The following MOBP variants were observed in gnomAD, a reference collection of about 807,000 sequenced individuals.
MOBP encodes myelin associated oligodendrocyte basic protein.
In MOBP, 5 loss-of-function variants were observed where a neutral mutation model predicts 15.0. That is an observed-to-expected ratio of 0.33 (90% CI 0.17 to 0.70). The LOEUF is 0.70. Ranked by LOEUF, MOBP falls within the 30% of genes least tolerant of loss-of-function variation. MOBP has a pLI of 0.67. For missense variants in MOBP, 188 were observed against 257.8 expected, an observed-to-expected ratio of 0.73 and a Z score of 1.85; for synonymous variants, 88 against 99.0, an observed-to-expected ratio of 0.89 and a Z score of 0.66.
intron 2 of MOBP, among the ~76,000 whole-genome samples, chr3:39,485,788 C>T (rs1169510748): frequency 6.6e-6 from 1 of 152,178 alleles, no homozygotes; most frequent in Non-Finnish European, 1.5e-5. Context: ...GTCATTTCCC[C>T]TGTTTTTGAG....
exon 5 of MOBP, chr3:39,514,378 C>T (rs559576630): frequency 6.6e-6 from 1 of 152,430 alleles, no homozygotes; most frequent in South Asian, 2.1e-4. Context: ...GCTGCTTCCC[C>T]CCGACCCTAC....
chr3:39,515,861 C>T (rs968767934), exon 5 of MOBP: 4 of 152,082 alleles, frequency 2.6e-5, no homozygotes, highest in African/African-American at 9.7e-5. Context: ...CTATTCTATT[C>T]ATTTATTTAC....
At chr3:39,479,050 G>A (rs1363002013) in intron 1 of MOBP, among the ~76,000 whole-genome samples, 1 of 152,006 alleles carries the variant, frequency 6.6e-6, no homozygotes, top group Admixed American at 6.5e-5. Context: ...AGCTGGTCTC[G>A]AACTCCTGAC....
Position 39,522,034 on chromosome 3 carries a change from A to G in MOBP, c.*259-2209A>G, listed in dbSNP as rs139998080. ...GCTAGCTCTCACATTCTCACCAGAA[A>G]TAGGAGTTGACCACAGCAGCTATTG... On this transcript the variant is annotated intron_variant and NMD_transcript_variant, in intron 3 of 4. Coordinates refer to the MOBP transcript ENST00000424090. Among the ~76,000 whole-genome samples the G allele has an allele frequency of 4.6e-5, 7 of 152,322 alleles. No individual in the cohort carries two copies. In the East Asian group the frequency reaches 1.3e-3, roughly 29 times the overall value.
intron 2 of MOBP, chr3:39,500,139 G>T (rs2042949087): frequency 4.4e-6 from 2 of 450,644 alleles, no homozygotes; most frequent in Non-Finnish European, 8.9e-6. Flanking sequence ...TACTTATTTG[G>T]TCTCAGTAAA....
At chr3:39,478,309 A>G (rs751552295) in intron 1 of MOBP, among the ~76,000 whole-genome samples, 3 of 152,232 alleles carry the variant, frequency 2.0e-5, no homozygotes, top group Admixed American at 1.3e-4. Context: ...ACAGTTGCCT[A>G]CAGTATTCAG....
intron 2 of MOBP, among the ~76,000 whole-genome samples, chr3:39,493,077 TGAG>T (rs1447769572): frequency 6.6e-6 from 1 of 152,180 alleles, no homozygotes; most frequent in Non-Finnish European, 1.5e-5. Flanking sequence ...TGCCCAGAAT[TGAG>T]GGCCACCTGT....
chr3:39,519,290 G>A (rs549051286), downstream of MOBP, among the ~76,000 whole-genome samples: 48 of 152,212 alleles, frequency 3.2e-4, no homozygotes, highest in African/African-American at 1.1e-3. Flanking sequence ...GGGCTTATGA[G>A]CTTTCTGAGT....
chr3:39,494,960 C>T (rs2042855781), intron 2 of MOBP, among the ~76,000 whole-genome samples: 2 of 152,042 alleles, frequency 1.3e-5, no homozygotes, highest in African/African-American at 4.8e-5. Context: ...CAACAAACTC[C>T]ACAGTCCTCC....
Position 39,482,409 on chromosome 3 carries a change from T to C in MOBP, c.-5+2286T>C, listed in dbSNP as rs529805194. Among the ~76,000 whole-genome samples the C allele has an allele frequency of 1.9e-3, 282 of 152,142 alleles. 1 individual carries two copies. Among genetic ancestry groups the C allele is most frequent in the African/African-American group, 5.9e-3 (245 of 41,502 alleles). On this transcript the variant is annotated intron_variant, in intron 2 of 3. Coordinates refer to ENST00000684792, the MANE Select transcript of MOBP (RefSeq NM_001393704.1). ...GCTCATGCCTGTAATCCCAGCACTTTGGGAGGCCGAGGTGGGCGGATCATG... is the reference window on the plus strand; with the variant it reads ...GCTCATGCCTGTAATCCCAGCACTTCGGGAGGCCGAGGTGGGCGGATCATG...
At chr3:39,501,288 T>G (rs531926926) in intron 2 of MOBP, among the ~76,000 whole-genome samples, 9 of 152,364 alleles carry the variant, frequency 5.9e-5, no homozygotes, top group African/African-American at 2.2e-4. Flanking sequence ...AGTATCCAGT[T>G]TATGCCCATT....
intron 4 of MOBP, among the ~76,000 whole-genome samples, chr3:39,511,281 C>T (rs1194710280): frequency 6.6e-6 from 1 of 152,160 alleles, no homozygotes; most frequent in Admixed American, 6.5e-5. Context: ...TGGTAGTTGT[C>T]CATGTGTGGA....
At chr3:39,516,758 T>C (rs1404779922), downstream of MOBP, among the ~76,000 whole-genome samples, 1 of 152,212 alleles carries the variant, frequency 6.6e-6, no homozygotes, top group Non-Finnish European at 1.5e-5. Flanking sequence ...AGATCTAAAC[T>C]TGAGGCTCAT....
At chr3:39,473,868 G>A (rs1018367688) in intron 1 of MOBP, among the ~76,000 whole-genome samples, 2 of 152,216 alleles carry the variant, frequency 1.3e-5, no homozygotes, top group African/African-American at 4.8e-5. Context: ...TAATAAGGGT[G>A]CTTGAGAGTT....
At chr3:39,514,894 G>A (rs149440136) in exon 5 of MOBP, 14 of 152,470 alleles carry the variant, frequency 9.2e-5, no homozygotes, top group African/African-American at 3.4e-4. Context: ...ACATGCTGTG[G>A]GGAGGGAGTT....
chr3:39,468,935 ATTGTGTG>A (rs2042399626), intron 1 of MOBP, among the ~76,000 whole-genome samples: 1 of 82,602 alleles, frequency 1.2e-5, no homozygotes, highest in Non-Finnish European at 2.1e-5. Context: ...ACATATATAC[ATTGTGTG>A]TATATATACA....
chr3:39,501,955 C>A, intron 2 of MOBP, 111 bp from the exon 3 acceptor site: 1 of 892,506 alleles, frequency 1.1e-6, no homozygotes. Context: ...TAGGGCCCCC[C>A]TGAATGTTAC....
chr3:39,468,296 A>G (rs964539584), intron 1 of MOBP, among the ~76,000 whole-genome samples: 1 of 152,198 alleles, frequency 6.6e-6, no homozygotes, highest in Non-Finnish European at 1.5e-5. Flanking sequence ...GATACAGAAT[A>G]TCTTAGAAAC....
At position 39,493,996 on chromosome 3, in the gene MOBP, A is replaced by G. The variant is rs188155753; in HGVS notation, c.-4-8070A>G. 2.3e-3 allele frequency among the ~76,000 whole-genome samples: 352 copies of G among 152,328 alleles called. 2 individuals carry two copies. Among genetic ancestry groups the G allele is most frequent in the African/African-American group, 8.1e-3 (337 of 41,576 alleles). On this transcript the variant is annotated intron_variant, in intron 2 of 3. Transcript: ENST00000684792. Reference sequence around the variant, plus strand: ...AATAAAAAGCCTTATTATTGAAGAAAGGTCATCTTCCCATAGACTTTTTGC... The same window carrying G: ...AATAAAAAGCCTTATTATTGAAGAAGGGTCATCTTCCCATAGACTTTTTGC...
Sources: allele counts gnomAD v4.1 joint callset (sites outside exome capture counted in the v4.1 genomes callset), GRCh38; gene constraint gnomAD v4.1.1; transcripts MANE v1.5; gene names NCBI Gene and HGNC (gene_info 2026-07-23, HGNC 2026-07-21).